The following CAPN11 variants were observed in gnomAD, a reference collection of about 807,000 sequenced individuals.
CAPN11 encodes the protein calpain 11.
Under a neutral mutation model 105.3 loss-of-function variants are expected in CAPN11, and 108 were observed. The observed-to-expected ratio is 1.03, with a 90% CI of 0.88 to 1.20. CAPN11 has a LOEUF of 1.20. CAPN11 is among the 50% of genes most tolerant of loss of function. The pLI is 0.00. For synonymous variants in CAPN11, 329 were observed against 344.5 expected (o/e 0.96, Z 0.50); for missense variants, 883 against 924.8 (o/e 0.95, Z 0.59).
chr6:44,164,562 G>T (rs995806226), intron 1 of CAPN11, among the ~76,000 whole-genome samples: 1 of 152,212 alleles, frequency 6.6e-6, no homozygotes, highest in Non-Finnish European at 1.5e-5. Flanking sequence ...CAAAAGTGTA[G>T]GATGCTAGCG....
At chr6:44,176,735 C>A in intron 10 of CAPN11, 80 bp downstream of exon 10, 1 of 1,568,314 alleles carries the variant, frequency 6.4e-7, no homozygotes, top group Admixed American at 1.7e-5. Context: ...CCTCTCTGTG[C>A]CTTGGATGGG....
intron 1 of CAPN11, among the ~76,000 whole-genome samples, chr6:44,161,117 C>T (rs1206823394): frequency 6.6e-6 from 1 of 151,794 alleles, no homozygotes; most frequent in Non-Finnish European, 1.5e-5. Context: ...CCTTCTCACG[C>T]TCCTAGCCCA....
In CAPN11 at chr6:44,176,049, C is replaced by G; in HGVS notation, c.832-19C>G. 6.3e-7 allele frequency: 1 copy of G among 1,582,856 alleles called. No homozygotes were observed. ...GCCCTCCATGCCCTCCATGCTCTCC[C>G]TCCCTCTCTGTTCTGTAGGTCACCA... On this transcript the variant is annotated intron_variant, in intron 7 of 22. Transcript: ENST00000398776.
At chr6:44,160,432 G>A (rs753822553) in intron 1 of CAPN11, among the ~76,000 whole-genome samples, 7 of 151,890 alleles carry the variant, frequency 4.6e-5, no homozygotes, top group Non-Finnish European at 8.8e-5. Flanking sequence ...CTTGGCTAAC[G>A]CGGTGAAACC....
intron 3 of CAPN11, 72 bp downstream of exon 3, chr6:44,169,603 A>G (rs1490974174): frequency 4.3e-6 from 6 of 1,392,836 alleles, no homozygotes; most frequent in Non-Finnish European, 5.8e-6. Flanking sequence ...TCACTTTTAG[A>G]ATCTTCAATC....
chr6:44,184,066 CG>C lies in CAPN11; in HGVS notation c.*137del. 3 of 965,000 alleles carry C rather than the reference CG, an allele frequency of 3.1e-6. No homozygotes were observed. Among genetic ancestry groups the C allele is most frequent in the South Asian group, 1.5e-5 (1 of 65,760 alleles). 59.8% of individuals were successfully genotyped at this position (965,000 alleles called of 1,614,324 possible). On this transcript the variant is annotated 3_prime_UTR_variant, in exon 23 of 23. Transcript: ENST00000398776. ...GAAATGGGCTCCAGGTGGCAGTGCC[CG>C]GGTCCCAGGTGCCGTGTTTACTGCA...
intron 2 of CAPN11, among the ~76,000 whole-genome samples, chr6:44,167,932 C>CA (rs1582864376): frequency 6.7e-6 from 1 of 148,688 alleles, no homozygotes; most frequent in East Asian, 2.0e-4. Context: ...AAAAACAAAA[C>CA]AAAAAACCAA....
Position 44,181,703 on chromosome 6 carries a change from T to A in CAPN11, c.1938+383T>A, listed in dbSNP as rs867423071. Among the ~76,000 whole-genome samples, 50 of 6,488 alleles carry A rather than the reference T, an allele frequency of 7.7e-3. 2 individuals carry two copies. The highest frequency in any genetic ancestry group is 0.011 in the African/African-American group (5 of 472). 4.3% of individuals were successfully genotyped at this position (6,488 alleles called of 152,430 possible). A position where few individuals can be genotyped will look rare whatever the true frequency, so the allele number is the denominator to read the frequency against. On this transcript the variant is annotated intron_variant, in intron 19 of 22. Coordinates refer to ENST00000398776, the MANE Select transcript of CAPN11 (RefSeq NM_007058.4). The stretch of plus-strand genomic sequence containing the variant: ...ACATACAGACACAACCACACCACAC[T>A]CACACACACACACACTCACAGACAC...
chr6:44,174,952 G>A (rs1208566897), intron 7 of CAPN11, among the ~76,000 whole-genome samples: 1 of 152,068 alleles, frequency 6.6e-6, no homozygotes, highest in Non-Finnish European at 1.5e-5. Flanking sequence ...CAAAATAATA[G>A]AAATTAAGAA....
At chr6:44,176,696 G>A (rs1435185923) in intron 10 of CAPN11, 41 bp downstream of exon 10, 1 of 1,567,142 alleles carries the variant, frequency 6.4e-7, no homozygotes, top group East Asian at 2.2e-5. Flanking sequence ...ACCACCCTAG[G>A]CCCTGGTCCT....
intron 19 of CAPN11, among the ~76,000 whole-genome samples, chr6:44,182,023 CAT>C (rs1773684751): frequency 1.3e-5 from 1 of 77,012 alleles, no homozygotes; most frequent in African/African-American, 7.1e-5. Context: ...TACACACTCA[CAT>C]ACAGACACAA....
chr6:44,177,504 T>TTC, intron 12 of CAPN11, 84 bp downstream of exon 12: 1 of 1,287,688 alleles, frequency 7.8e-7, no homozygotes, highest in Non-Finnish European at 1.1e-6. Context: ...TTTTTTTTTT[T>TTC]CGAGACAGAG....
chr6:44,179,542 C>A, intron 12 of CAPN11, 77 bp from the exon 13 acceptor site: 1 of 1,266,806 alleles, frequency 7.9e-7, no homozygotes, highest in Non-Finnish European at 1.2e-6. Context: ...ACACTATACA[C>A]ATCCCACTTG....
At position 44,183,906 on chromosome 6, in the gene CAPN11, T is replaced by C. The variant is rs1001874603; in HGVS notation, c.2194T>C (p.Trp732Arg). ...TGHICLSLEQ[W>R]LQMTMWG is the part of the protein sequence containing the mutation. The stretch of plus-strand genomic sequence containing the variant: ...TGGGATCTGCTTCCTGTCTCCACAG[T>C]GGCTGCAGATGACCATGTGGGGATA... Residue 732 changes from tryptophan (W) to arginine (R), a missense_variant and splice_region_variant, in exon 23 of 23, where the codon TGG becomes CGG. Trp to Arg is a moderately radical substitution (Grantham distance 101). Coordinates refer to ENST00000398776, the MANE Select transcript of CAPN11 (RefSeq NM_007058.4). The C allele has an allele frequency of 3.2e-6, 5 of 1,558,198 alleles. No homozygotes were observed. The African/African-American group carries it at 4.1e-5, about 13-fold the overall frequency.
Position 44,184,014 on chromosome 6 carries a change from GC to G in CAPN11, c.*85del. ...CCAGGAGGGTGGGGTGCTTCTTGTA[GC>G]CCTCAGCTCTCCGGTCTCTGCTGAT... On this transcript the variant is annotated 3_prime_UTR_variant, in exon 23 of 23. Transcript: ENST00000398776. The G allele has an allele frequency of 6.8e-7, 1 of 1,464,450 alleles. No homozygotes were observed. The highest frequency in any genetic ancestry group is 9.3e-7 in the Non-Finnish European group (1 of 1,070,614). 90.7% of individuals were successfully genotyped at this position (1,464,450 alleles called of 1,614,324 possible).
chr6:44,165,462 T>A (rs1359668208), intron 1 of CAPN11, among the ~76,000 whole-genome samples: 2 of 152,240 alleles, frequency 1.3e-5, no homozygotes, highest in Admixed American at 6.5e-5. Context: ...CCTTGCTTAC[T>A]GCACTGGATG....
Position 44,173,245 on chromosome 6 carries a change from AG to A in CAPN11, c.695del (p.Gly232AlafsTer56). 1 of 1,613,858 alleles carries A rather than the reference AG, an allele frequency of 6.2e-7. No homozygotes were observed. The highest frequency in any genetic ancestry group is 8.5e-7 in the Non-Finnish European group (1 of 1,179,856). Reference protein sequence around the residue: ...KLSGSYEALSGGSTMEGLEDF... With the variant: ...KLSGSYEALSXGSTMEGLEDF... The stretch of plus-strand genomic sequence containing the variant: ...TGAGTGGGTCCTATGAAGCATTGTC[AG>A]GGGGCAGTACCATGGAGGGCCTTGA... On this transcript the variant is annotated frameshift_variant, in exon 7 of 23. Coordinates refer to ENST00000398776, the MANE Select transcript of CAPN11 (RefSeq NM_007058.4). LOFTEE classifies it high-confidence loss of function.
intron 3 of CAPN11, 131 bp downstream of exon 3, chr6:44,169,662 C>T: frequency 9.7e-7 from 1 of 1,035,748 alleles, no homozygotes; most frequent in Non-Finnish European, 1.4e-6. Flanking sequence ...GCCCCACCTT[C>T]ATCAGAGCTG....
intron 12 of CAPN11, among the ~76,000 whole-genome samples, chr6:44,178,566 C>T (rs1465036596): frequency 6.6e-6 from 1 of 151,980 alleles, no homozygotes; most frequent in Non-Finnish European, 1.5e-5. Flanking sequence ...AAGCCTTGCC[C>T]TACTCTTAGG....
Sources: gnomAD v4.1 joint callset for allele counts (sites outside exome capture counted in the v4.1 genomes callset) on GRCh38, gnomAD v4.1.1 for gene constraint, MANE v1.5 for transcripts, NCBI Gene and HGNC (gene_info 2026-07-23, HGNC 2026-07-21) for gene names.